MBD5: variants seen among roughly 807,000 people sequenced by gnomAD.
MBD5 encodes the protein methyl-CpG binding domain protein 5.
MBD5 carries 13 observed loss-of-function variants against 117.3 expected under a neutral mutation model. The observed-to-expected ratio is 0.11, with a 90% CI of 0.07 to 0.18. The LOEUF (loss-of-function observed/expected upper bound fraction) is 0.18, where lower values mean the gene tolerates loss of function less well. Among genes scored for constraint, MBD5 ranks in the 10% least tolerant of loss-of-function variants. MBD5 has a pLI of 1.00. For synonymous variants in MBD5, 727 were observed against 766.4 expected, an observed-to-expected ratio of 0.95 and a Z score of 0.85; for missense variants, 1,879 against 2,093.8, an observed-to-expected ratio of 0.90 and a Z score of 2.00.
At chr2:148,308,939 G>A (rs1231324121) in intron 3 of MBD5, among the ~76,000 whole-genome samples, 1 of 152,116 alleles carries the variant, frequency 6.6e-6, no homozygotes, top group Non-Finnish European at 1.5e-5. Context: ...GTTTTTGTCA[G>A]CTTTGTCAAA....
intron 1 of MBD5, among the ~76,000 whole-genome samples, chr2:148,097,292 A>T (rs1038673181): frequency 2.0e-5 from 3 of 152,186 alleles, no homozygotes; most frequent in Admixed American, 6.5e-5. Flanking sequence ...TAAACAAGGT[A>T]AGTTATATTG....
chr2:148,270,458 G>A (rs1220707056), intron 3 of MBD5, among the ~76,000 whole-genome samples: 2 of 148,808 alleles, frequency 1.3e-5, no homozygotes, highest in African/African-American at 5.0e-5. Flanking sequence ...TCAACATCTC[G>A]GCTCACTGCA....
intron 3 of MBD5, among the ~76,000 whole-genome samples, chr2:148,268,594 G>A (rs1355017374): frequency 6.6e-6 from 1 of 151,076 alleles, no homozygotes; most frequent in African/African-American, 2.4e-5. Flanking sequence ...ATAATATCAT[G>A]TTCTTATCTG....
intron 10 of MBD5, among the ~76,000 whole-genome samples, chr2:148,488,543 G>C (rs1047656205): frequency 1.3e-5 from 2 of 151,612 alleles, no homozygotes; most frequent in Non-Finnish European, 2.9e-5. Context: ...ACAGATCCCA[G>C]GTTCTGGATT....
At chr2:148,038,089 A>G (rs1420106836) in intron 1 of MBD5, among the ~76,000 whole-genome samples, 3 of 151,934 alleles carry the variant, frequency 2.0e-5, no homozygotes, top group Non-Finnish European at 2.9e-5. Flanking sequence ...AACAACTGGT[A>G]TATCTGGTAC....
intron 1 of MBD5, among the ~76,000 whole-genome samples, chr2:148,034,742 T>C (rs556522750): frequency 6.1e-4 from 92 of 151,946 alleles, no homozygotes; most frequent in Middle Eastern, 3.4e-3. Context: ...CAAACATCAT[T>C]TTCTTTTGTT....
intron 3 of MBD5, among the ~76,000 whole-genome samples, chr2:148,326,826 G>C (rs1206543154): frequency 6.6e-6 from 1 of 150,788 alleles, no homozygotes; most frequent in Non-Finnish European, 1.5e-5. Flanking sequence ...GGAGCATTTA[G>C]TCCATTTACA....
chr2:148,398,213 C>T (rs920189852), intron 4 of MBD5, among the ~76,000 whole-genome samples: 2 of 152,100 alleles, frequency 1.3e-5, no homozygotes, highest in Admixed American at 1.3e-4. Context: ...GTTCTAGATC[C>T]CTGAGGAATC....
In MBD5 at chr2:148,513,263, T is replaced by C. The variant is rs573114252; in HGVS notation, c.*322T>C. 2.9e-4 allele frequency: 94 copies of C among 325,132 alleles called. No homozygotes were observed. Among genetic ancestry groups the C allele is most frequent in the South Asian group, 2.8e-3 (81 of 28,720 alleles). The allele number at this position is 325,132 out of a possible 1,614,324, so 20.1% of individuals were successfully genotyped here. On this transcript the variant is annotated 3_prime_UTR_variant, in exon 14 of 14. Transcript: ENST00000642680. ...TTTCTGAAGAATTTTCAATGTTGTA[T>C]ATAGAAAATACAGAATTTCATGGTG...
chr2:148,270,934 T>A (rs1700971370), intron 3 of MBD5, among the ~76,000 whole-genome samples: 1 of 152,174 alleles, frequency 6.6e-6, no homozygotes, highest in South Asian at 2.1e-4. Flanking sequence ...TTTATTCCTT[T>A]TCCTTATTGT....
chr2:148,247,860 G>T (rs376064291), intron 3 of MBD5, among the ~76,000 whole-genome samples: 1 of 152,048 alleles, frequency 6.6e-6, no homozygotes, highest in East Asian at 1.9e-4. Flanking sequence ...TAAACTTTAT[G>T]TCTTGGTAGT....
chr2:148,042,467 T>G (rs1327077045), intron 1 of MBD5, among the ~76,000 whole-genome samples: 1 of 152,168 alleles, frequency 6.6e-6, no homozygotes, highest in African/African-American at 2.4e-5. Context: ...AACCTTTTTT[T>G]TTTTAATGGC....
intron 5 of MBD5, 53 bp from the exon 6 acceptor site, chr2:148,462,529 T>C (rs541814573): frequency 1.3e-4 from 150 of 1,143,136 alleles, no homozygotes; most frequent in African/African-American, 6.4e-4. Flanking sequence ...TTTTTTCATA[T>C]AATATGTGTA....
intron 3 of MBD5, among the ~76,000 whole-genome samples, chr2:148,323,708 G>C (rs1421607184): frequency 6.6e-6 from 1 of 151,950 alleles, no homozygotes; most frequent in Admixed American, 6.6e-5. Flanking sequence ...TTTTTTTCTT[G>C]TAAATTTGAG....
intron 3 of MBD5, among the ~76,000 whole-genome samples, chr2:148,267,687 T>G (rs1410468942): frequency 6.6e-6 from 1 of 152,126 alleles, no homozygotes; most frequent in Non-Finnish European, 1.5e-5. Context: ...TAATACATAG[T>G]GTTCTTTAAC....
At chr2:148,024,601 T>C (rs1573924238) in intron 1 of MBD5, among the ~76,000 whole-genome samples, 1 of 152,224 alleles carries the variant, frequency 6.6e-6, no homozygotes, top group Non-Finnish European at 1.5e-5. Context: ...CTCCTTTTCT[T>C]GTCCTCCCTT....
intron 3 of MBD5, among the ~76,000 whole-genome samples, chr2:148,287,516 T>G (rs1476899416): frequency 6.6e-6 from 1 of 152,208 alleles, no homozygotes; most frequent in East Asian, 1.9e-4. Context: ...TAATGGGACC[T>G]CTCCTGTTTT....
chr2:148,220,586 G>A (rs908268408), intron 2 of MBD5, among the ~76,000 whole-genome samples: 1 of 152,102 alleles, frequency 6.6e-6, no homozygotes, highest in Non-Finnish European at 1.5e-5. Context: ...AAGCTGATAT[G>A]AGACTAGTCA....
intron 4 of MBD5, among the ~76,000 whole-genome samples, chr2:148,422,646 G>A (rs1705645728): frequency 6.6e-6 from 1 of 152,168 alleles, no homozygotes; most frequent in Non-Finnish European, 1.5e-5. Context: ...TGAGCTAAAG[G>A]AGTGTGTTCT....
Sources: gnomAD v4.1 joint callset for allele counts (sites outside exome capture counted in the v4.1 genomes callset) on GRCh38, gnomAD v4.1.1 for gene constraint, MANE v1.5 for transcripts, NCBI Gene and HGNC (gene_info 2026-07-23, HGNC 2026-07-21) for gene names.